PPCS: variants seen among roughly 807,000 people sequenced by gnomAD.
PPCS encodes phosphopantothenate--cysteine ligase.
Under a neutral mutation model 24.6 loss-of-function variants are expected in PPCS, and 17 were observed. That is an observed-to-expected ratio of 0.69 (90% CI 0.47 to 1.04). The LOEUF is 1.04. Ranked by LOEUF, PPCS falls within the 50% of genes least tolerant of loss-of-function variation. The pLI is 0.00. For synonymous variants in PPCS, 190 were observed against 168.3 expected, an observed-to-expected ratio of 1.13 and a Z score of -1.00; for missense variants, 360 against 402.8, an observed-to-expected ratio of 0.89 and a Z score of 0.91.
downstream of PPCS, among the ~76,000 whole-genome samples, chr1:42,461,296 T>G (rs1352480651): frequency 1.3e-5 from 2 of 152,204 alleles, no homozygotes; most frequent in African/African-American, 4.8e-5. Flanking sequence ...GGAAAAATAC[T>G]GCAGCAGTCA....
exon 3 of PPCS, chr1:42,473,235 G>A (rs1643826344): frequency 4.9e-6 from 6 of 1,231,458 alleles, no homozygotes; most frequent in Admixed American, 4.2e-5. Flanking sequence ...GCACAGTGAA[G>A]ACAGGCTGAG....
downstream of PPCS, chr1:42,464,023 T>G (rs1483684464): frequency 5.3e-5 from 8 of 152,294 alleles, no homozygotes; most frequent in Admixed American, 3.9e-4. Context: ...CTGCACATTA[T>G]TGAATGTCCA....
At chr1:42,473,070 C>T (rs1643821291) in intron 2 of PPCS, 1 of 1,215,996 alleles carries the variant, frequency 8.2e-7, no homozygotes, top group Non-Finnish European at 1.0e-6. Flanking sequence ...CTTGCATCCT[C>T]AGTTGTGTGT....
downstream of PPCS, among the ~76,000 whole-genome samples, chr1:42,464,941 C>T (rs1453349505): frequency 1.3e-5 from 2 of 151,994 alleles, no homozygotes; most frequent in Non-Finnish European, 2.9e-5. Flanking sequence ...TAGAATAGAT[C>T]GGAAAACAAA....
chr1:42,457,237 C>T lies in PPCS; in HGVS notation c.509-10C>T. On this transcript the variant is annotated splice_polypyrimidine_tract_variant and intron_variant, in intron 1 of 2. Transcript: ENST00000372561. ...GCCGATTTGTTAACACCTTGTGTTTCTCTTTGCAGGCCCTTCTGCGATGTT... is the reference window on the plus strand; with the variant it reads ...GCCGATTTGTTAACACCTTGTGTTTTTCTTTGCAGGCCCTTCTGCGATGTT... The T allele has an allele frequency of 1.2e-6, 2 of 1,614,084 alleles. No individual in the cohort carries two copies. The highest frequency in any genetic ancestry group is 2.2e-5 in the South Asian group (2 of 91,082).
At chr1:42,465,972 C>A (rs568728668), downstream of PPCS, among the ~76,000 whole-genome samples, 2 of 152,236 alleles carry the variant, frequency 1.3e-5, no homozygotes, top group Non-Finnish European at 1.5e-5. Context: ...CTTTCTTTTT[C>A]ACTTTATATT....
At chr1:42,462,229 AGTGT>A (rs150466234), downstream of PPCS, among the ~76,000 whole-genome samples, 11 of 151,646 alleles carry the variant, frequency 7.3e-5, no homozygotes, top group Non-Finnish European at 1.3e-4. Flanking sequence ...GGTGGGGGAG[AGTGT>A]GTGTGTGTGT....
intron 2 of PPCS, among the ~76,000 whole-genome samples, chr1:42,458,446 T>A (rs1179350007): frequency 6.6e-6 from 1 of 152,176 alleles, no homozygotes; most frequent in Non-Finnish European, 1.5e-5. Flanking sequence ...TTGCCGACTT[T>A]GTAGAATAGT....
intron 2 of PPCS, among the ~76,000 whole-genome samples, chr1:42,466,557 GTT>G (rs59732163): frequency 2.8e-5 from 4 of 145,274 alleles, no homozygotes; most frequent in Admixed American, 1.4e-4. Flanking sequence ...GTTTTGTTTT[GTT>G]TTTTTTTTTT....
intron 2 of PPCS, chr1:42,459,129 T>A (rs1643327056): frequency 6.6e-6 from 1 of 151,844 alleles, no homozygotes; most frequent in African/African-American, 2.4e-5. Flanking sequence ...AATTTAGGCA[T>A]CGCTGTGAAC....
intron 2 of PPCS, among the ~76,000 whole-genome samples, chr1:42,471,288 C>T (rs1643762334): frequency 6.6e-6 from 1 of 152,140 alleles, no homozygotes; most frequent in Non-Finnish European, 1.5e-5. Flanking sequence ...CAACCTTAGA[C>T]TCCCCTACTC....
chr1:42,457,486 C>G (rs1279363089), intron 2 of PPCS, 136 bp downstream of exon 2: 18 of 724,868 alleles, frequency 2.5e-5, no homozygotes, highest in Admixed American at 4.6e-5. Context: ...AGACACCGCC[C>G]TCCCTCATGG....
chr1:42,469,787 C>G (rs1240361582), intron 2 of PPCS, among the ~76,000 whole-genome samples: 1 of 152,084 alleles, frequency 6.6e-6, no homozygotes, highest in Non-Finnish European at 1.5e-5. Context: ...CTTTGTTTTA[C>G]TAGTTCTCTG....
Position 42,459,830 on chromosome 1 carries a change from A to G in PPCS, c.840A>G (p.Leu280=), listed in dbSNP as rs142078638. ...VTKDSETKLL[L]SEEEIEKGVE... is the part of the protein sequence containing the mutation. ...AAGACTCGGAAACCAAGTTATTGCT[A>G]TCAGAGGAAGAAATAGAAAAAGGCG... Residue 280 remains leucine (L), a synonymous_variant, in exon 3 of 3, where the codon CTA becomes CTG. Coordinates refer to ENST00000372561, the MANE Select transcript of PPCS (RefSeq NM_024664.4). 372 of 1,614,194 alleles carry G rather than the reference A, an allele frequency of 2.3e-4. 3 individuals carry two copies. In the East Asian group the frequency reaches 3.3e-3, roughly 14 times the overall value.
chr1:42,462,027 G>A (rs1451846682), downstream of PPCS, among the ~76,000 whole-genome samples: 1 of 152,126 alleles, frequency 6.6e-6, no homozygotes, highest in Non-Finnish European at 1.5e-5. Context: ...GGGGATATAT[G>A]GGGTTAAAAG....
rs1643192356 is a variant in PPCS at position 42,456,588 on chromosome 1, C to T, written c.23C>T (p.Ala8Val). Residue 8 changes from alanine to valine, a missense_variant, in exon 1 of 3, where the codon GCC becomes GTC. Ala to Val is a moderately conservative substitution (Grantham distance 64). Around this residue, in one of 2 missense-constraint regions of PPCS, gnomAD observed 244 missense variants for 234.7 expected, o/e 1.04. Transcript: ENST00000372561. MAEMDPV[A>V]EFPQPPGAAR... is the part of the protein sequence containing the mutation. ...CAGATGGCGGAAATGGATCCGGTAG[C>T]CGAGTTCCCCCAGCCTCCCGGTGCT... is the stretch of plus-strand genomic sequence containing the variant. 3 of 1,498,644 alleles carry T rather than the reference C, an allele frequency of 2.0e-6. No homozygotes were observed. The highest frequency in any genetic ancestry group is 2.7e-6 in the Non-Finnish European group (3 of 1,125,994). 92.8% of individuals were successfully genotyped at this position (1,498,644 alleles called of 1,614,324 possible).
chr1:42,470,210 G>A (rs1643723522), intron 2 of PPCS, among the ~76,000 whole-genome samples: 2 of 152,098 alleles, frequency 1.3e-5, no homozygotes, highest in Non-Finnish European at 2.9e-5. Flanking sequence ...GGATGTAATG[G>A]TCCAGAGATT....
chr1:42,472,252 C>A lies in PPCS; in HGVS notation n.378-870C>A, dbSNP rs150542384. Among the ~76,000 whole-genome samples the A allele has an allele frequency of 2.3e-3, 346 of 151,392 alleles. 2 individuals are homozygous for A. Among genetic ancestry groups the A allele is most frequent in the African/African-American group, 8.1e-3 (333 of 41,310 alleles). ...TGGGCAACAGAGGTAGACTCCATCT[C>A]AAAGAAAAAAAAATAGTTAGTGGCT... On this transcript the variant is annotated intron_variant and non_coding_transcript_variant, in intron 2 of 2. Coordinates refer to the PPCS transcript ENST00000471420.
chr1:42,456,484 G>A (rs1220218235), upstream of PPCS: 2 of 1,371,440 alleles, frequency 1.5e-6, no homozygotes, highest in African/African-American at 1.5e-5. Context: ...TCAGTACGGC[G>A]CGGCGCGTAC....
Sources: allele counts gnomAD v4.1 joint callset (sites outside exome capture counted in the v4.1 genomes callset), GRCh38; gene constraint gnomAD v4.1.1; regional missense constraint gnomAD v4.1.1; transcripts MANE v1.5; gene names NCBI Gene and HGNC (gene_info 2026-07-23, HGNC 2026-07-21).